Variants in EXOC4 observed in about 807,000 individuals in gnomAD.
EXOC4 encodes exocyst complex component 4.
A neutral mutation model predicts 107.2 loss-of-function variants in EXOC4; 71 were observed. That is an observed-to-expected ratio of 0.66 (90% CI 0.55 to 0.81). The LOEUF (loss-of-function observed/expected upper bound fraction) is 0.81. EXOC4 is among the 30% of genes least tolerant of loss of function. EXOC4 has a pLI of 0.00. For synonymous variants in EXOC4, 456 were observed against 441.2 expected (o/e 1.03, Z -0.42); for missense variants, 1,108 against 1,189.6 (o/e 0.93, Z 1.01).
chr7:133,572,612 A>G (rs1199926891), intron 9 of EXOC4, among the ~76,000 whole-genome samples: 1 of 152,212 alleles, frequency 6.6e-6, no homozygotes, highest in African/African-American at 2.4e-5. Context: ...AGGAAGTACA[A>G]GCAAAAAAAT....
At chr7:134,091,376 C>G in the EXOC4 span, among the ~76,000 whole-genome samples, 2 of 152,152 alleles carry the variant, frequency 1.3e-5, no homozygotes, top group African/African-American at 4.8e-5. Context: ...TGTCTTGGCA[C>G]TGGTGAGAGT....
At chr7:134,068,554 ATT>A (rs1354669037), downstream of EXOC4, among the ~76,000 whole-genome samples, 2 of 152,094 alleles carry the variant, frequency 1.3e-5, no homozygotes, top group Non-Finnish European at 2.9e-5. Flanking sequence ...AGTGTCAGGT[ATT>A]TCTTCATAGC....
At chr7:133,988,972 A>G (rs934521244) in intron 14 of EXOC4, among the ~76,000 whole-genome samples, 5 of 152,208 alleles carry the variant, frequency 3.3e-5, no homozygotes, top group Non-Finnish European at 7.3e-5. Flanking sequence ...TTGGGTAAAT[A>G]ACTTATCTGA....
chr7:133,904,594 A>G (rs1799527252), intron 12 of EXOC4, among the ~76,000 whole-genome samples: 1 of 152,176 alleles, frequency 6.6e-6, no homozygotes, highest in African/African-American at 2.4e-5. Flanking sequence ...GTTGGTGCCC[A>G]CTGTCACATC....
intron 10 of EXOC4, among the ~76,000 whole-genome samples, chr7:133,780,235 CAA>C (rs916546092): frequency 1.4e-5 from 2 of 139,244 alleles, no homozygotes; most frequent in African/African-American, 5.3e-5. Context: ...ATATGCTTCC[CAA>C]AAAAAAAACC....
intron 7 of EXOC4, among the ~76,000 whole-genome samples, chr7:133,412,651 A>C (rs1293628088): frequency 3.9e-5 from 6 of 152,010 alleles, no homozygotes; most frequent in African/African-American, 1.4e-4. Context: ...GTGAGACTCT[A>C]TCTCTAAAAA....
At chr7:133,834,090 A>G (rs979242724) in intron 11 of EXOC4, among the ~76,000 whole-genome samples, 2 of 152,204 alleles carry the variant, frequency 1.3e-5, no homozygotes, top group African/African-American at 4.8e-5. Context: ...ACTAGATTAA[A>G]AAGCTGTCCT....
intron 5 of EXOC4, among the ~76,000 whole-genome samples, chr7:133,341,198 T>C (rs1795652975): frequency 6.6e-6 from 1 of 152,188 alleles, no homozygotes; most frequent in East Asian, 1.9e-4. Flanking sequence ...AGCACCACTT[T>C]TGCTATATTG....
At chr7:133,543,247 G>A (rs1195648974) in intron 9 of EXOC4, among the ~76,000 whole-genome samples, 4 of 151,936 alleles carry the variant, frequency 2.6e-5, no homozygotes, top group Non-Finnish European at 5.9e-5. Context: ...ATAGCCTAAG[G>A]TTTTCCCCTA....
intron 9 of EXOC4, among the ~76,000 whole-genome samples, chr7:133,524,518 G>C: frequency 7.4e-6 from 1 of 134,784 alleles, no homozygotes; most frequent in African/African-American, 3.0e-5. Flanking sequence ...CCTTGCCCAT[G>C]CCTATGTCCT....
At chr7:133,478,236 G>A (rs913272826) in intron 8 of EXOC4, among the ~76,000 whole-genome samples, 3 of 148,544 alleles carry the variant, frequency 2.0e-5, no homozygotes, top group African/African-American at 5.0e-5. Context: ...AACCATCACC[G>A]CTGACTTTCA....
intron 10 of EXOC4, among the ~76,000 whole-genome samples, chr7:133,813,211 A>G (rs1297931372): frequency 2.6e-5 from 4 of 152,210 alleles, no homozygotes; most frequent in Non-Finnish European, 5.9e-5. Flanking sequence ...TGCTCAGCAC[A>G]GTTCATATTT....
intron 7 of EXOC4, among the ~76,000 whole-genome samples, chr7:133,445,617 TACAAACAAACAA>T (rs10638999): frequency 1.3e-5 from 2 of 150,468 alleles, no homozygotes; most frequent in East Asian, 2.0e-4. Flanking sequence ...GGACAGTTAC[TACAAACAAACAA>T]ACAAACAAAC....
chr7:134,100,411 G>A, the EXOC4 span, among the ~76,000 whole-genome samples: 2 of 128,794 alleles, frequency 1.6e-5, 1 homozygote, highest in Non-Finnish European at 3.4e-5. Flanking sequence ...CACCCAGCAT[G>A]TGGTACTTGG....
chr7:133,508,510 A>G (rs1001091977), intron 9 of EXOC4, among the ~76,000 whole-genome samples: 2 of 152,190 alleles, frequency 1.3e-5, no homozygotes, highest in African/African-American at 4.8e-5. Context: ...ACACTGTAGC[A>G]CTTAGGAATT....
At position 133,934,522 on chromosome 7, in the gene EXOC4, C is replaced by T. The variant is rs568681485; in HGVS notation, c.2028-3369C>T. 1.1e-4 allele frequency among the ~76,000 whole-genome samples: 17 copies of T among 152,282 alleles called. No homozygotes were observed. The East Asian group carries it at 2.5e-3, about 23-fold the overall frequency. The stretch of plus-strand genomic sequence containing the variant: ...AGAGGGAAACGGGATAGGCATCAAG[C>T]GCTGGCAGCACACGGCAGACATGCC... On this transcript the variant is annotated intron_variant, in intron 13 of 17. Coordinates refer to ENST00000253861, the MANE Select transcript of EXOC4 (RefSeq NM_021807.4).
intron 7 of EXOC4, among the ~76,000 whole-genome samples, chr7:133,466,794 A>G (rs1465905488): frequency 1.3e-5 from 2 of 152,216 alleles, no homozygotes; most frequent in African/African-American, 4.8e-5. Context: ...ATGTATCGAC[A>G]TATAAACTGT....
chr7:133,390,794 G>T lies in EXOC4; in HGVS notation c.1182+15792G>T, dbSNP rs567945164. Among the ~76,000 whole-genome samples, 12 of 152,276 alleles carry T rather than the reference G, an allele frequency of 7.9e-5. No individual in the cohort carries two copies. The East Asian group carries it at 2.3e-3, about 29-fold the overall frequency. ...AGCTGAAAGGATTTTAAGAAAATGT[G>T]CTATTCAGAAATATCCCTTAACCTG... On this transcript the variant is annotated intron_variant, in intron 7 of 17. Coordinates refer to ENST00000253861, the MANE Select transcript of EXOC4 (RefSeq NM_021807.4).
intron 7 of EXOC4, among the ~76,000 whole-genome samples, chr7:133,425,046 G>C (rs1362477975): frequency 6.6e-6 from 1 of 152,048 alleles, no homozygotes; most frequent in Non-Finnish European, 1.5e-5. Context: ...CACTGCCATG[G>C]TACCCTATGA....
Sources: gnomAD v4.1 joint callset for allele counts (sites outside exome capture counted in the v4.1 genomes callset) on GRCh38, gnomAD v4.1.1 for gene constraint, MANE v1.5 for transcripts, NCBI Gene and HGNC (gene_info 2026-07-23, HGNC 2026-07-21) for gene names.